ENTREP2: variants seen among roughly 807,000 people sequenced by gnomAD.
ENTREP2 encodes protein ENTREP2.
chr15:29,543,833 A>C, the ENTREP2 span, among the ~76,000 whole-genome samples: 4 of 151,806 alleles, frequency 2.6e-5, no homozygotes, highest in Admixed American at 6.6e-5. Flanking sequence ...CTGACTTTAA[A>C]TTTCATAAAG....
At chr15:29,398,240 A>G in the ENTREP2 span, among the ~76,000 whole-genome samples, 3 of 151,432 alleles carry the variant, frequency 2.0e-5, no homozygotes, top group African/African-American at 7.3e-5. Flanking sequence ...TTACTGGTAC[A>G]TCATTTTTAA....
the ENTREP2 span, among the ~76,000 whole-genome samples, chr15:29,579,762 GT>G: frequency 1.6e-4 from 22 of 139,032 alleles, no homozygotes; most frequent in African/African-American, 6.1e-4. Flanking sequence ...CCAGGCTGGA[GT>G]GCAGTGGCGC....
chr15:29,212,705 G>A, the ENTREP2 span, among the ~76,000 whole-genome samples: 1 of 152,110 alleles, frequency 6.6e-6, no homozygotes, highest in African/African-American at 2.4e-5. Flanking sequence ...CTTTCAGTTC[G>A]AAGAATTTTT....
At chr15:29,236,428 T>C in the ENTREP2 span, among the ~76,000 whole-genome samples, 27 of 152,076 alleles carry the variant, frequency 1.8e-4, no homozygotes, top group Middle Eastern at 3.4e-3. Flanking sequence ...GGAGGATCGC[T>C]GGATTCCAGG....
chr15:29,595,498 G>A, the ENTREP2 span, among the ~76,000 whole-genome samples: 1 of 151,772 alleles, frequency 6.6e-6, no homozygotes, highest in Non-Finnish European at 1.5e-5. Context: ...GTTCTTTTTG[G>A]GATCCCATCC....
the ENTREP2 span, among the ~76,000 whole-genome samples, chr15:29,607,716 G>GT: frequency 6.6e-6 from 1 of 152,020 alleles, no homozygotes; most frequent in Non-Finnish European, 1.5e-5. Flanking sequence ...TCTAGTGCTC[G>GT]TTTTTTCATG....
chr15:29,464,500 T>C, the ENTREP2 span, among the ~76,000 whole-genome samples: 1 of 152,162 alleles, frequency 6.6e-6, no homozygotes. Flanking sequence ...CCAATAAGCC[T>C]GATGTCAATC....
At chr15:29,665,852 C>CTT in the ENTREP2 span, among the ~76,000 whole-genome samples, 575 of 131,076 alleles carry the variant, frequency 4.4e-3, 14 homozygotes, top group African/African-American at 0.016. Context: ...TTTACATCAT[C>CTT]TTTTTTTTTT....
At chr15:29,149,878 C>T in the ENTREP2 span, among the ~76,000 whole-genome samples, 46 of 152,330 alleles carry the variant, frequency 3.0e-4, 1 homozygote, top group African/African-American at 9.6e-4. Context: ...TGGCAGGAAG[C>T]CGGATATTTC....
the ENTREP2 span, among the ~76,000 whole-genome samples, chr15:29,361,118 G>A: frequency 4.6e-5 from 7 of 152,184 alleles, no homozygotes; most frequent in East Asian, 5.8e-4. Flanking sequence ...TGATCTACCC[G>A]CCCAAACTCC....
chr15:29,626,604 C>G, the ENTREP2 span, among the ~76,000 whole-genome samples: 1 of 152,222 alleles, frequency 6.6e-6, no homozygotes, highest in East Asian at 1.9e-4. Context: ...GCATTTTTTA[C>G]CTAATCAGGT....
the ENTREP2 span, among the ~76,000 whole-genome samples, chr15:29,388,366 A>T: frequency 1.3e-5 from 2 of 152,270 alleles, no homozygotes; most frequent in African/African-American, 4.8e-5. Context: ...ACATGAAAAA[A>T]TGCTCATCAT....
At chr15:29,148,567 A>G in the ENTREP2 span, among the ~76,000 whole-genome samples, 4 of 152,312 alleles carry the variant, frequency 2.6e-5, no homozygotes, top group Admixed American at 2.6e-4. Context: ...TAGTTGTTAT[A>G]CTGTATTGTT....
chr15:29,193,093 C>T, the ENTREP2 span, among the ~76,000 whole-genome samples: 5 of 152,144 alleles, frequency 3.3e-5, no homozygotes, highest in South Asian at 2.1e-4. Flanking sequence ...CTCTACGGGG[C>T]GGTCTAGTCA....
At chr15:29,512,226 T>C in the ENTREP2 span, among the ~76,000 whole-genome samples, 1 of 152,020 alleles carries the variant, frequency 6.6e-6, no homozygotes, top group African/African-American at 2.4e-5. Flanking sequence ...TTGTTATTTG[T>C]CATAAAACAA....
chr15:29,142,548 C>G, the ENTREP2 span, among the ~76,000 whole-genome samples: 1 of 152,206 alleles, frequency 6.6e-6, no homozygotes, highest in Non-Finnish European at 1.5e-5. Flanking sequence ...CACTGGTGAA[C>G]TTGGTGATGC....
At chr15:29,174,441 C>A in the ENTREP2 span, among the ~76,000 whole-genome samples, 3 of 152,292 alleles carry the variant, frequency 2.0e-5, no homozygotes, top group South Asian at 6.2e-4. Flanking sequence ...GTAATCCCAG[C>A]ACTTTGGGAG....
chr15:29,403,135 G>C, the ENTREP2 span, among the ~76,000 whole-genome samples: 1 of 152,178 alleles, frequency 6.6e-6, no homozygotes, highest in Non-Finnish European at 1.5e-5. Context: ...GTAGGGGAGG[G>C]ACGGGGCCTG....
chr15:29,204,472 T>TA, the ENTREP2 span, among the ~76,000 whole-genome samples: 1 of 152,044 alleles, frequency 6.6e-6, no homozygotes, highest in Non-Finnish European at 1.5e-5. Flanking sequence ...CCCGAGAACT[T>TA]ACAGTGGGCA....
Sources: allele counts gnomAD v4.1 joint callset (sites outside exome capture counted in the v4.1 genomes callset), GRCh38; gene constraint gnomAD v4.1.1; transcripts MANE v1.5; gene names NCBI Gene and HGNC (gene_info 2026-07-23, HGNC 2026-07-21).